The following EXOC6 variants were observed in gnomAD, a reference collection of about 807,000 sequenced individuals.
EXOC6 encodes the protein exocyst complex component 6.
A neutral mutation model predicts 112.5 loss-of-function variants in EXOC6; 60 were observed. The ratio of observed to expected loss-of-function variants is 0.53; its 90% confidence interval spans 0.43 to 0.66. The LOEUF (loss-of-function observed/expected upper bound fraction) is 0.66, where lower values mean the gene tolerates loss of function less well. Ranked by LOEUF, EXOC6 falls within the 30% of genes least tolerant of loss-of-function variation. The pLI is 0.00. For synonymous variants in EXOC6, 295 were observed against 308.0 expected (o/e 0.96, Z 0.44); for missense variants, 855 against 957.1 (o/e 0.89, Z 1.41).
intron 12 of EXOC6, among the ~76,000 whole-genome samples, chr10:92,936,775 G>A (rs1231628141): frequency 1.3e-5 from 2 of 152,036 alleles, no homozygotes; most frequent in East Asian, 3.9e-4. Flanking sequence ...TACGGGGTGG[G>A]GTGTGTACAC....
intron 1 of EXOC6, among the ~76,000 whole-genome samples, chr10:92,863,914 C>CAAAAAAAAAA (rs756843855): frequency 2.0e-5 from 1 of 50,780 alleles, no homozygotes; most frequent in African/African-American, 6.6e-5. Flanking sequence ...GACTCCATCT[C>CAAAAAAAAAA]AAAAAAAAAA....
chr10:92,946,239 T>C (rs1308713416), intron 13 of EXOC6, among the ~76,000 whole-genome samples: 1 of 151,956 alleles, frequency 6.6e-6, no homozygotes, highest in East Asian at 1.9e-4. Flanking sequence ...GAGCTTGCAG[T>C]GAGCCAAGAT....
rs191460650 is a variant in EXOC6 at position 92,888,559 on chromosome 10, G to A, written c.102-4790G>A. On this transcript the variant is annotated intron_variant, in intron 1 of 21. Transcript: ENST00000260762. ...CCTCCCTTGAAGGGACTCTGTATTC[G>A]GGTAGTCCTGAAATATCTCTTGCTA... is the stretch of plus-strand genomic sequence containing the variant. 3.0e-3 allele frequency among the ~76,000 whole-genome samples: 452 copies of A among 152,204 alleles called. 4 individuals are homozygous for A. The highest frequency in any genetic ancestry group is 5.2e-3 in the Non-Finnish European group (352 of 68,000).
intron 1 of EXOC6, among the ~76,000 whole-genome samples, chr10:92,867,918 AC>A (rs1348980702): frequency 2.0e-5 from 3 of 152,210 alleles, no homozygotes; most frequent in Non-Finnish European, 4.4e-5. Flanking sequence ...TAGCCAAAAG[AC>A]AGTGAAAGGC....
chr10:92,852,858 A>AGG (rs1847417937), intron 1 of EXOC6, among the ~76,000 whole-genome samples: 1 of 152,190 alleles, frequency 6.6e-6, no homozygotes, highest in Admixed American at 6.5e-5. Flanking sequence ...GAATGAGGTA[A>AGG]GGATATTCAT....
At chr10:92,947,509 A>G (rs1182129002) in intron 13 of EXOC6, among the ~76,000 whole-genome samples, 1 of 152,216 alleles carries the variant, frequency 6.6e-6, no homozygotes, top group Admixed American at 6.5e-5. Flanking sequence ...TGACATTATG[A>G]GAGGCTAAGC....
At chr10:92,895,259 C>G (rs989316866) in intron 4 of EXOC6, among the ~76,000 whole-genome samples, 8 of 152,102 alleles carry the variant, frequency 5.3e-5, no homozygotes, top group Non-Finnish European at 1.2e-4. Context: ...TTCTACATTT[C>G]CATTTCCTTT....
At chr10:92,978,479 A>G (rs1842715814) in intron 18 of EXOC6, among the ~76,000 whole-genome samples, 1 of 152,130 alleles carries the variant, frequency 6.6e-6, no homozygotes, top group Admixed American at 6.5e-5. Context: ...TAAAAGCATG[A>G]TTTTCAAGCA....
In EXOC6 at chr10:93,058,628, A is replaced by T; in HGVS notation, c.*273A>T. On this transcript the variant is annotated 3_prime_UTR_variant, in exon 22 of 22. Coordinates refer to ENST00000260762, the MANE Select transcript of EXOC6 (RefSeq NM_019053.6). ...CATAAATTGTCACAAATTATACATG[A>T]AATTGATTACAAATACATTTGAAAA... 3.9e-6 allele frequency: 1 copy of T among 256,598 alleles called. No homozygotes were observed. Among genetic ancestry groups the T allele is most frequent in the Non-Finnish European group, 7.3e-6 (1 of 136,270 alleles). 15.9% of individuals were successfully genotyped at this position (256,598 alleles called of 1,614,324 possible). A position where few individuals can be genotyped will look rare whatever the true frequency, so the allele number is the denominator to read the frequency against.
rs1223631007 is a variant in EXOC6, at chr10:93,043,226, C to T, written c.2170-13698C>T. ...CTGGGATTACGGGCCTGAGCCACCG[C>T]GCCCAGCTACAATTATTCTTTTAAA... On this transcript the variant is annotated intron_variant, in intron 20 of 21. Transcript: ENST00000260762. Among the ~76,000 whole-genome samples the T allele has an allele frequency of 3.9e-5, 6 of 152,278 alleles. No individual in the cohort carries two copies. In the East Asian group the frequency reaches 9.6e-4, roughly 24 times the overall value.
chr10:92,910,326 A>G (rs891705940), intron 6 of EXOC6, among the ~76,000 whole-genome samples: 1 of 152,202 alleles, frequency 6.6e-6, no homozygotes, highest in Non-Finnish European at 1.5e-5. Flanking sequence ...ATGCAACAAC[A>G]TGTATGAATC....
intron 14 of EXOC6, among the ~76,000 whole-genome samples, chr10:92,951,486 GT>G (rs2134007050): frequency 6.6e-6 from 1 of 152,220 alleles, no homozygotes; most frequent in South Asian, 2.1e-4. Flanking sequence ...AAAAAGTCAG[GT>G]AACATGAGAG....
chr10:92,869,625 T>C (rs1848342170), intron 1 of EXOC6, among the ~76,000 whole-genome samples: 1 of 152,134 alleles, frequency 6.6e-6, no homozygotes. Flanking sequence ...CCTTACATTG[T>C]CATTTAATTG....
intron 9 of EXOC6, among the ~76,000 whole-genome samples, chr10:92,933,165 C>G (rs184897429): frequency 4.6e-5 from 7 of 152,024 alleles, no homozygotes; most frequent in Admixed American, 3.9e-4. Flanking sequence ...CACTTGATAA[C>G]ATTGACTCAA....
chr10:92,949,774 T>A (rs1853289907), intron 14 of EXOC6, among the ~76,000 whole-genome samples: 1 of 152,100 alleles, frequency 6.6e-6, no homozygotes, highest in Non-Finnish European at 1.5e-5. Context: ...GTAATTTTTT[T>A]TAGTAGAGAC....
At chr10:92,880,376 T>C (rs1282918653) in intron 1 of EXOC6, among the ~76,000 whole-genome samples, 1 of 152,068 alleles carries the variant, frequency 6.6e-6, no homozygotes, top group Admixed American at 6.6e-5. Context: ...ATTTTCCATC[T>C]GTGGCTGGTT....
At chr10:92,896,069 G>A (rs79557898) in intron 4 of EXOC6, among the ~76,000 whole-genome samples, 25 of 74,958 alleles carry the variant, frequency 3.3e-4, no homozygotes, top group East Asian at 2.3e-3. Flanking sequence ...GTATATATAT[G>A]TGTATATATA....
chr10:92,997,733 C>A, intron 19 of EXOC6, 118 bp downstream of exon 19: 2 of 814,398 alleles, frequency 2.5e-6, no homozygotes, highest in Non-Finnish European at 3.5e-6. Context: ...TTCAGCTAAA[C>A]TTTTAGCAGC....
intron 1 of EXOC6, among the ~76,000 whole-genome samples, chr10:92,888,678 A>G (rs1347615924): frequency 1.3e-5 from 2 of 152,184 alleles, no homozygotes; most frequent in Admixed American, 6.5e-5. Flanking sequence ...TAAATGTCCA[A>G]CTTTTAATAA....
Sources: allele counts gnomAD v4.1 joint callset (sites outside exome capture counted in the v4.1 genomes callset), GRCh38; gene constraint gnomAD v4.1.1; transcripts MANE v1.5; gene names NCBI Gene and HGNC (gene_info 2026-07-23, HGNC 2026-07-21).